The following SLC9A4 variants were observed in gnomAD, a reference collection of about 807,000 sequenced individuals.
The protein encoded by SLC9A4 is solute carrier family 9 member A4.
Under a neutral mutation model 67.4 loss-of-function variants are expected in SLC9A4, and 63 were observed. The ratio of observed to expected loss-of-function variants is 0.93; its 90% CI spans 0.76 to 1.15. The LOEUF (loss-of-function observed/expected upper bound fraction) is 1.15, where lower values mean the gene tolerates loss of function less well. Among genes scored for constraint, SLC9A4 ranks in the 50% most tolerant of loss-of-function variants. The pLI is 0.00. For synonymous variants in SLC9A4, 393 were observed against 367.2 expected (o/e 1.07, Z -0.80); for missense variants, 1,089 against 987.7 (o/e 1.10, Z -1.38).
chr2:102,484,616 A>G (rs988023581), intron 2 of SLC9A4, among the ~76,000 whole-genome samples: 1 of 152,214 alleles, frequency 6.6e-6, no homozygotes, highest in Non-Finnish European at 1.5e-5. Context: ...CAAGCAGCTG[A>G]TTTTAAATAT....
Position 102,532,428 on chromosome 2 carries a change from A to G in SLC9A4, c.2137A>G (p.Met713Val). 6.2e-7 allele frequency: 1 copy of G among 1,614,224 alleles called. No homozygotes were observed. The highest frequency in any genetic ancestry group is 1.7e-5 in the Admixed American group (1 of 60,032). ...QKQEAQEIIP[M>V]KSLHRGRKAF... ...GCAAGAGGCACAAGAAATAATACCA[A>G]TGAAGAGCCTACACAGAGGAAGGAA... Residue 713 changes from methionine to valine, a missense_variant, in exon 12 of 12, where the codon ATG becomes GTG. Coordinates refer to ENST00000295269, the MANE Select transcript of SLC9A4 (RefSeq NM_001011552.4).
At chr2:102,531,212 A>G (rs4241212) in intron 11 of SLC9A4, among the ~76,000 whole-genome samples, 97,282 of 151,600 alleles carry the variant, frequency 0.64, 31,365 homozygotes, top group Middle Eastern at 0.72. Flanking sequence ...ACAGGTGCCC[A>G]CCACCACGCC....
intron 8 of SLC9A4, among the ~76,000 whole-genome samples, chr2:102,515,892 A>G (rs765848980): frequency 6.6e-6 from 1 of 152,110 alleles, no homozygotes; most frequent in Non-Finnish European, 1.5e-5. Context: ...AGGCCACACA[A>G]ACATAATCAT....
chr2:102,481,211 G>A (rs796725849), intron 2 of SLC9A4, among the ~76,000 whole-genome samples: 2 of 152,062 alleles, frequency 1.3e-5, no homozygotes, highest in Non-Finnish European at 2.9e-5. Context: ...CTTAATTTCA[G>A]GCCCTGGAAC....
intron 9 of SLC9A4, among the ~76,000 whole-genome samples, chr2:102,522,502 G>T (rs898854816): frequency 7.9e-5 from 12 of 152,090 alleles, no homozygotes. Flanking sequence ...GTCATGGGAG[G>T]TTATGGGAGG....
chr2:102,510,606 T>C (rs1009148942), intron 6 of SLC9A4, among the ~76,000 whole-genome samples: 1 of 152,248 alleles, frequency 6.6e-6, no homozygotes, highest in Non-Finnish European at 1.5e-5. Flanking sequence ...GAGTACTGTT[T>C]GATTGAATAA....
intron 2 of SLC9A4, among the ~76,000 whole-genome samples, chr2:102,487,352 A>C (rs569356315): frequency 1.3e-5 from 2 of 152,336 alleles, no homozygotes; most frequent in South Asian, 4.1e-4. Context: ...TGCAGGTCCC[A>C]GTAAATGAAG....
At chr2:102,493,492 C>T (rs975083830) in intron 2 of SLC9A4, among the ~76,000 whole-genome samples, 3 of 151,844 alleles carry the variant, frequency 2.0e-5, no homozygotes, top group African/African-American at 7.3e-5. Flanking sequence ...GGAAACTGCC[C>T]TTTATAAAAC....
At chr2:102,513,448 T>C (rs1573349731) in intron 7 of SLC9A4, among the ~76,000 whole-genome samples, 1 of 152,234 alleles carries the variant, frequency 6.6e-6, no homozygotes, top group East Asian at 1.9e-4. Context: ...GAAGGCACCA[T>C]ATGCATAGCG....
chr2:102,511,269 T>C (rs1558669023), intron 6 of SLC9A4, among the ~76,000 whole-genome samples: 1 of 152,184 alleles, frequency 6.6e-6, no homozygotes, highest in Admixed American at 6.5e-5. Flanking sequence ...TTCAAGGCCA[T>C]TTGAAAATAA....
intron 2 of SLC9A4, among the ~76,000 whole-genome samples, chr2:102,498,664 G>A (rs1684859678): frequency 6.6e-6 from 1 of 152,140 alleles, no homozygotes; most frequent in Non-Finnish European, 1.5e-5. Context: ...ACCCATATGT[G>A]GCAGAAAGTG....
chr2:102,507,253 T>C (rs942549879), intron 4 of SLC9A4, among the ~76,000 whole-genome samples: 3 of 152,248 alleles, frequency 2.0e-5, no homozygotes, highest in Non-Finnish European at 4.4e-5. Flanking sequence ...ATGTGCCTAT[T>C]ATCAAAGAAT....
chr2:102,505,548 A>T, intron 4 of SLC9A4, 77 bp downstream of exon 4: 1 of 1,403,782 alleles, frequency 7.1e-7, no homozygotes, highest in Non-Finnish European at 9.9e-7. Flanking sequence ...CAATGTTAAA[A>T]CTGGAGGACT....
At chr2:102,483,285 G>C (rs963346208) in intron 2 of SLC9A4, among the ~76,000 whole-genome samples, 15 of 152,186 alleles carry the variant, frequency 9.9e-5, no homozygotes, top group African/African-American at 3.6e-4. Context: ...AGTGAAACCA[G>C]AGAAGCCCCA....
intron 2 of SLC9A4, among the ~76,000 whole-genome samples, chr2:102,500,135 C>A (rs754769180): frequency 1.3e-5 from 2 of 152,156 alleles, no homozygotes; most frequent in Non-Finnish European, 2.9e-5. Context: ...GGGCCCTAAT[C>A]CAATGCCTGA....
chr2:102,522,928 C>A (rs969937097), intron 9 of SLC9A4, among the ~76,000 whole-genome samples: 1 of 152,052 alleles, frequency 6.6e-6, no homozygotes, highest in African/African-American at 2.4e-5. Context: ...TGGATTTACC[C>A]CTCCCTCACT....
Position 102,514,199 on chromosome 2 carries a change from G to A in SLC9A4, c.1669G>A (p.Glu557Lys), listed in dbSNP as rs549805693. The A allele has an allele frequency of 2.0e-5, 32 of 1,614,050 alleles. 1 individual carries two copies. The highest frequency in any genetic ancestry group is 3.3e-4 in the Middle Eastern group (2 of 6,062). ...GAAGCTGGAAATGAAGCAAGCCATCGAGATGGTGGAGACTGGGATACTGAG... is the reference window on the plus strand; with the variant it reads ...GAAGCTGGAAATGAAGCAAGCCATCAAGATGGTGGAGACTGGGATACTGAG... ...YKKLEMKQAI[E>K]MVETGILSST... Residue 557 changes from glutamate (E) to lysine (K), a missense_variant, in exon 8 of 12, where the codon GAG becomes AAG. By Grantham distance (56) the Glu-to-Lys change is moderately conservative. Coordinates refer to ENST00000295269, the MANE Select transcript of SLC9A4 (RefSeq NM_001011552.4).
chr2:102,505,235 G>T lies in SLC9A4; in HGVS notation c.981-19G>T, dbSNP rs1189379678. 9.3e-6 allele frequency: 15 copies of T among 1,609,094 alleles called. 1 individual carries two copies. In the Admixed American group the frequency reaches 2.0e-4, roughly 22 times the overall value. On this transcript the variant is annotated intron_variant, in intron 3 of 11. Coordinates refer to ENST00000295269, the MANE Select transcript of SLC9A4 (RefSeq NM_001011552.4). The stretch of plus-strand genomic sequence containing the variant: ...GGAAAACCTCATGGATTTTCTCTGA[G>T]ACTCTGCTCCTTTTATAGAATCACA...
chr2:102,523,572 AG>A (rs1469237210), intron 9 of SLC9A4, among the ~76,000 whole-genome samples: 3 of 152,210 alleles, frequency 2.0e-5, no homozygotes, highest in Non-Finnish European at 4.4e-5. Flanking sequence ...TAGAAGTATC[AG>A]TATTTTCTTT....
Sources: gnomAD v4.1 joint callset for allele counts (sites outside exome capture counted in the v4.1 genomes callset) on GRCh38, gnomAD v4.1.1 for gene constraint, MANE v1.5 for transcripts, NCBI Gene and HGNC (gene_info 2026-07-23, HGNC 2026-07-21) for gene names.